EDRF1: variants seen among roughly 807,000 people sequenced by gnomAD.
EDRF1 encodes erythroid differentiation-related factor 1.
EDRF1 carries 69 observed loss-of-function variants against 148.7 expected under a neutral mutation model. The observed-to-expected ratio is 0.46, with a 90% confidence interval of 0.38 to 0.57. The LOEUF is 0.57. EDRF1 is among the 20% of genes least tolerant of loss of function. EDRF1 has a pLI of 0.00. For synonymous variants in EDRF1, 515 were observed against 532.8 expected, an observed-to-expected ratio of 0.97 and a Z score of 0.46; for missense variants, 1,118 against 1,478.7, an observed-to-expected ratio of 0.76 and a Z score of 4.00.
chr10:125,721,076 C>G (rs534840637), intron 1 of EDRF1, 128 bp from the exon 2 acceptor site: 1 of 849,364 alleles, frequency 1.2e-6, no homozygotes, highest in Non-Finnish European at 2.0e-6. Context: ...TTATTAAGTG[C>G]TGTTAGTAAC....
chr10:125,725,019 A>G (rs1848186118), intron 4 of EDRF1, among the ~76,000 whole-genome samples: 1 of 152,200 alleles, frequency 6.6e-6, no homozygotes, highest in Non-Finnish European at 1.5e-5. Flanking sequence ...TTATAAACAC[A>G]TACACAGATC....
chr10:125,735,460 G>A (rs1268866649), intron 12 of EDRF1, among the ~76,000 whole-genome samples, 184 bp from the exon 13 acceptor site: 7 of 152,112 alleles, frequency 4.6e-5, no homozygotes, highest in Non-Finnish European at 1.0e-4. Context: ...AGCCTATAAA[G>A]ATTTTGCAGA....
intron 21 of EDRF1, 149 bp from the exon 22 acceptor site, chr10:125,749,263 A>G: frequency 1.1e-6 from 1 of 878,584 alleles, no homozygotes; most frequent in Non-Finnish European, 1.8e-6. Context: ...AAAAAAAAGA[A>G]AGGAAATGGA....
chr10:125,730,255 A>G, intron 8 of EDRF1, 33 bp from the exon 9 acceptor site: 1 of 1,517,264 alleles, frequency 6.6e-7, no homozygotes, highest in South Asian at 1.1e-5. Flanking sequence ...CATCTTAATT[A>G]AACCAAATAA....
intron 17 of EDRF1, 131 bp downstream of exon 17, chr10:125,741,332 T>C: frequency 1.0e-6 from 1 of 996,044 alleles, no homozygotes. Context: ...TTATTTATTT[T>C]TTGAGACGGA....
chr10:125,753,228 G>C (rs1388786627), intron 23 of EDRF1, among the ~76,000 whole-genome samples: 1 of 152,180 alleles, frequency 6.6e-6, no homozygotes, highest in African/African-American at 2.4e-5. Context: ...TAAAAGAAAA[G>C]GCCTGTGCCC....
intron 8 of EDRF1, 90 bp downstream of exon 8, chr10:125,729,569 CCAAGAT>C: frequency 6.6e-7 from 1 of 1,523,634 alleles, no homozygotes; most frequent in Admixed American, 1.7e-5. Context: ...TTGCAGTGAG[CCAAGAT>C]CATGCTACCG....
intron 3 of EDRF1, 51 bp downstream of exon 3, chr10:125,723,185 T>C (rs565057695): frequency 6.8e-7 from 1 of 1,467,680 alleles, no homozygotes; most frequent in African/African-American, 1.4e-5. Context: ...TTGTGATAGG[T>C]GTTTTATATC....
Position 125,728,888 on chromosome 10 carries a change from C to T in EDRF1, c.793-115C>T, listed in dbSNP as rs934590871. The T allele has an allele frequency of 5.3e-5, 44 of 828,300 alleles. No individual in the cohort carries two copies. The East Asian group carries it at 6.2e-4, about 12-fold the overall frequency. 51.3% of individuals were successfully genotyped at this position (828,300 alleles called of 1,614,324 possible). On this transcript the variant is annotated intron_variant, in intron 6 of 24. Transcript: ENST00000356792. ...TATTATTTGTATTGGCCTAATAATT[C>T]ACAATGGTAGATTTGAAGTGTGTGC...
intron 24 of EDRF1, chr10:125,757,013 A>G (rs1242446822): frequency 1.6e-5 from 7 of 428,028 alleles, no homozygotes; most frequent in African/African-American, 1.4e-4. Context: ...GGGTCTTGCC[A>G]TGTTGCCCAG....
intron 15 of EDRF1, among the ~76,000 whole-genome samples, chr10:125,739,109 A>C (rs1848883828): frequency 6.6e-6 from 1 of 151,668 alleles, no homozygotes; most frequent in African/African-American, 2.4e-5. Flanking sequence ...CTTTTAAATC[A>C]GTTTCAATTG....
At chr10:125,744,263 G>A (rs1849211377) in intron 18 of EDRF1, among the ~76,000 whole-genome samples, 1 of 151,112 alleles carries the variant, frequency 6.6e-6, no homozygotes, top group South Asian at 2.1e-4. Context: ...CTGTCGCGCA[G>A]GCTAGAATGC....
intron 4 of EDRF1, among the ~76,000 whole-genome samples, 169 bp from the exon 5 acceptor site, chr10:125,725,142 GAAACAAA>G (rs1336582076): frequency 6.6e-6 from 1 of 151,826 alleles, no homozygotes; most frequent in Non-Finnish European, 1.5e-5. Flanking sequence ...TTTCCTTTAG[GAAACAAA>G]AAACAAAAGA....
chr10:125,740,069 G>A (rs1372272204), intron 15 of EDRF1, among the ~76,000 whole-genome samples: 5 of 152,210 alleles, frequency 3.3e-5, no homozygotes. Context: ...TGAGAAACAT[G>A]CAACTAGCTA....
intron 4 of EDRF1, 67 bp from the exon 5 acceptor site, chr10:125,725,251 C>A (rs1848200771): frequency 6.3e-7 from 1 of 1,586,874 alleles, no homozygotes; most frequent in Admixed American, 1.7e-5. Context: ...TTTCTGTAAG[C>A]TAGTACTAGG....
intron 13 of EDRF1, 28 bp from the exon 14 acceptor site, chr10:125,737,890 A>T (rs765870614): frequency 1.9e-5 from 31 of 1,602,742 alleles, no homozygotes; most frequent in Admixed American, 1.7e-5. Context: ...TTGGTAGTGT[A>T]TTAATAATTT....
Position 125,763,774 on chromosome 10 carries a change from A to T in EDRF1, c.*302A>T, listed in dbSNP as rs569971193. On this transcript the variant is annotated 3_prime_UTR_variant, in exon 25 of 25. Coordinates refer to ENST00000356792, the MANE Select transcript of EDRF1 (RefSeq NM_001202438.2). The surrounding 1 kb of genome is among the most constrained non-coding windows in gnomAD (Gnocchi z 4.3). ...CAGTTACACTTTCACGTATTTTTGA[A>T]GTATGTCAAGCTACACGGGTCTAAG... 27 of 424,302 alleles carry T rather than the reference A, an allele frequency of 6.4e-5. No homozygotes were observed. Among genetic ancestry groups the T allele is most frequent in the South Asian group, 5.9e-4 (26 of 43,986 alleles). 26.3% of individuals were successfully genotyped at this position (424,302 alleles called of 1,614,324 possible).
At chr10:125,753,473 A>G (rs1411701749) in intron 23 of EDRF1, among the ~76,000 whole-genome samples, 1 of 152,224 alleles carries the variant, frequency 6.6e-6, no homozygotes, top group African/African-American at 2.4e-5. Context: ...AATGTTGGAA[A>G]GTCAGGATTA....
intron 15 of EDRF1, among the ~76,000 whole-genome samples, chr10:125,739,828 C>T (rs921220254): frequency 6.6e-6 from 1 of 152,136 alleles, no homozygotes; most frequent in Non-Finnish European, 1.5e-5. Flanking sequence ...GGATAGAGGC[C>T]ATATAACTTC....
Sources: allele counts gnomAD v4.1 joint callset (sites outside exome capture counted in the v4.1 genomes callset), GRCh38; gene constraint gnomAD v4.1.1; non-coding constraint Gnocchi (gnomAD v3.1); transcripts MANE v1.5; gene names NCBI Gene and HGNC (gene_info 2026-07-23, HGNC 2026-07-21).